IZUMO2: variants seen among roughly 807,000 people sequenced by gnomAD.
The protein encoded by IZUMO2 is IZUMO family member 2.
Under a neutral mutation model 31.2 loss-of-function variants are expected in IZUMO2, and 24 were observed. The ratio of observed to expected loss-of-function variants is 0.77; its 90% CI spans 0.56 to 1.08. IZUMO2 has a LOEUF of 1.08. IZUMO2 is among the 50% of genes least tolerant of loss of function. The probability of loss-of-function intolerance (pLI) is 0.00; values close to 1 mark genes in which losing one functional copy is unlikely to be tolerated. For missense variants in IZUMO2, 278 were observed against 274.0 expected, an observed-to-expected ratio of 1.01 and a Z score of -0.10; for synonymous variants, 144 against 117.3, an observed-to-expected ratio of 1.23 and a Z score of -1.47.
At chr19:50,154,567 C>G (rs373238643) in intron 6 of IZUMO2, 33 bp downstream of exon 6, 1 of 1,611,872 alleles carries the variant, frequency 6.2e-7, no homozygotes, top group Non-Finnish European at 8.5e-7. Flanking sequence ...GTGGGTTCCA[C>G]GGGGGACTGA....
chr19:50,158,519 A>C (rs573565113), intron 4 of IZUMO2, among the ~76,000 whole-genome samples, 171 bp from the exon 5 acceptor site: 23 of 152,342 alleles, frequency 1.5e-4, no homozygotes, highest in African/African-American at 4.8e-4. Flanking sequence ...TTCACATAAA[A>C]AATAATTGTT....
intron 5 of IZUMO2, among the ~76,000 whole-genome samples, chr19:50,155,797 A>G (rs2030195404): frequency 6.6e-6 from 1 of 152,174 alleles, no homozygotes; most frequent in African/African-American, 2.4e-5. Context: ...CCCCCATCTC[A>G]GAATAAAAGC....
At chr19:50,159,387 T>C in intron 3 of IZUMO2, 107 bp downstream of exon 3, 1 of 1,234,128 alleles carries the variant, frequency 8.1e-7, no homozygotes, top group Admixed American at 2.0e-5. Context: ...TGAAGAAGGC[T>C]GAGCTATAGG....
chr19:50,159,825 G>T, intron 2 of IZUMO2: 1 of 404,278 alleles, frequency 2.5e-6, no homozygotes, highest in Non-Finnish European at 4.5e-6. Flanking sequence ...TCTGGCAAGT[G>T]GATTTGATCT....
chr19:50,154,174 A>G (rs1436990599), intron 6 of IZUMO2, among the ~76,000 whole-genome samples: 1 of 151,390 alleles, frequency 6.6e-6, no homozygotes, highest in Non-Finnish European at 1.5e-5. Context: ...ATATAACAAC[A>G]GTAATTATGA....
intron 2 of IZUMO2, 95 bp from the exon 3 acceptor site, chr19:50,159,675 C>T: frequency 1.3e-6 from 1 of 753,716 alleles, no homozygotes. Context: ...GGAAGCTCCT[C>T]TTCATTTATA....
At chr19:50,159,277 T>C in intron 3 of IZUMO2, 27 bp from the exon 4 acceptor site, 1 of 1,607,796 alleles carries the variant, frequency 6.2e-7, no homozygotes. Flanking sequence ...CTGAGGTGAG[T>C]TAAATTGGGA....
In IZUMO2 at chr19:50,163,213, T is replaced by C; in HGVS notation, c.-19A>G. Reference sequence around the variant, plus strand: ...GAGGCATGGCGGGGCCTTTGTGACGTCACAGAGAGAACCCGGCCCGCCCCG... The same window carrying C: ...GAGGCATGGCGGGGCCTTTGTGACGCCACAGAGAGAACCCGGCCCGCCCCG... On this transcript the variant is annotated 5_prime_UTR_variant, in exon 1 of 7. An upstream open reading frame in the 5' UTR loses its in-frame stop. Coordinates refer to ENST00000293405, the MANE Select transcript of IZUMO2 (RefSeq NM_152358.3). The C allele has an allele frequency of 3.3e-6, 5 of 1,535,742 alleles. No individual in the cohort carries two copies. The highest frequency in any genetic ancestry group is 4.4e-6 in the Non-Finnish European group (5 of 1,137,466).
Position 50,163,117 on chromosome 19 carries a change from G to A in IZUMO2, c.78C>T (p.Pro26=). 2 of 1,606,582 alleles carry A rather than the reference G, an allele frequency of 1.2e-6. No homozygotes were observed. The highest frequency in any genetic ancestry group is 1.7e-6 in the Non-Finnish European group (2 of 1,177,004). ...PGGWGCLQCD[P]LVLEALGHLR... ...GGTGACCCAGGGCCTCCAGCACCAA[G>A]GGGTCGCACTGCAGGCAGCCCCAGC... The change falls in exon 1 of 7, where the codon CCC becomes CCT. Residue 26 remains proline, a synonymous_variant. Coordinates refer to ENST00000293405, the MANE Select transcript of IZUMO2 (RefSeq NM_152358.3).
intron 6 of IZUMO2, 45 bp from the exon 7 acceptor site, chr19:50,152,696 G>C (rs756463800): frequency 9.8e-6 from 15 of 1,524,328 alleles, no homozygotes; most frequent in African/African-American, 5.5e-5. Context: ...AGAATTTCAA[G>C]CTTTTCCAGA....
intron 5 of IZUMO2, among the ~76,000 whole-genome samples, chr19:50,157,471 T>C (rs1304784038): frequency 6.6e-6 from 1 of 151,338 alleles, no homozygotes; most frequent in Non-Finnish European, 1.5e-5. Flanking sequence ...CTAGGGTAGT[T>C]TTTTGTATTT....
chr19:50,161,925 T>A (rs1025058551), intron 2 of IZUMO2, among the ~76,000 whole-genome samples: 3 of 152,200 alleles, frequency 2.0e-5, no homozygotes, highest in Non-Finnish European at 4.4e-5. Context: ...CCCAAAAAAA[T>A]TTGGCTCTTG....
chr19:50,157,212 A>T (rs1444698447), intron 5 of IZUMO2, among the ~76,000 whole-genome samples: 1 of 152,080 alleles, frequency 6.6e-6, no homozygotes, highest in Non-Finnish European at 1.5e-5. Context: ...TGAAGGAGTG[A>T]TTGGAACAGT....
chr19:50,162,595 A>G, intron 2 of IZUMO2, 144 bp downstream of exon 2: 1 of 671,874 alleles, frequency 1.5e-6, no homozygotes, highest in Middle Eastern at 3.1e-4. Context: ...AGCCGGAGCG[A>G]CAGTGAGGCT....
chr19:50,161,898 C>A lies in IZUMO2; in HGVS notation c.307+841G>T, dbSNP rs1330985108. Among the ~76,000 whole-genome samples the A allele has an allele frequency of 2.6e-5, 4 of 152,188 alleles. No homozygotes were observed. The East Asian group carries it at 7.7e-4, about 29-fold the overall frequency. On this transcript the variant is annotated intron_variant, in intron 2 of 6. Coordinates refer to ENST00000293405, the MANE Select transcript of IZUMO2 (RefSeq NM_152358.3). ...GCAGGCCTGGGTTGTCCCAATCCTG[C>A]ACATCCCCCGCTCCCCCCCAAAAAA...
chr19:50,159,270 A>C lies in IZUMO2; in HGVS notation c.395-20T>G. The C allele has an allele frequency of 6.2e-7, 1 of 1,609,856 alleles. No homozygotes were observed. The highest frequency in any genetic ancestry group is 8.5e-7 in the Non-Finnish European group (1 of 1,178,652). The stretch of plus-strand genomic sequence containing the variant: ...TGCAGGCTGCAAGAGAAAATTGCTG[A>C]GGTGAGTTAAATTGGGATGGCAACT... On this transcript the variant is annotated intron_variant, in intron 3 of 6. Transcript: ENST00000293405.
chr19:50,163,249 G>C lies in IZUMO2; in HGVS notation c.-55C>G. 1.4e-6 allele frequency: 2 copies of C among 1,394,208 alleles called. No individual in the cohort carries two copies. The highest frequency in any genetic ancestry group is 4.6e-5 in the Admixed American group (2 of 43,828). The allele number at this position is 1,394,208 out of a possible 1,614,324, so 86.4% of individuals were successfully genotyped here. A position where few individuals can be genotyped will look rare whatever the true frequency, so the allele number is the denominator to read the frequency against. On this transcript the variant is annotated 5_prime_UTR_variant, in exon 1 of 7. Coordinates refer to ENST00000293405, the MANE Select transcript of IZUMO2 (RefSeq NM_152358.3). Reference sequence around the variant, plus strand: ...ACCCGGCCCGCCCCGCCTCCCAGGCGAGGGCGCGGTCAGGAGGCCCAGGGA... The same window carrying C: ...ACCCGGCCCGCCCCGCCTCCCAGGCCAGGGCGCGGTCAGGAGGCCCAGGGA...
intron 2 of IZUMO2, among the ~76,000 whole-genome samples, chr19:50,161,971 A>G (rs2123065684): frequency 6.6e-6 from 1 of 152,334 alleles, no homozygotes; most frequent in Non-Finnish European, 1.5e-5. Context: ...TTTCCTTGGA[A>G]TATCCTGCCT....
intron 4 of IZUMO2, 82 bp from the exon 5 acceptor site, chr19:50,158,430 G>A: frequency 1.1e-6 from 1 of 905,942 alleles, no homozygotes; most frequent in Non-Finnish European, 1.8e-6. Context: ...GGAGAAAGAG[G>A]AGATGGGGTC....
Sources: gnomAD v4.1 joint callset for allele counts (sites outside exome capture counted in the v4.1 genomes callset) on GRCh38, gnomAD v4.1.1 for gene constraint, MANE v1.5 for transcripts, NCBI Gene and HGNC (gene_info 2026-07-23, HGNC 2026-07-21) for gene names.